Variants in TAF1 observed in about 807,000 individuals in gnomAD.
TAF1 encodes transcription initiation factor TFIID subunit 1.
A neutral mutation model predicts 138.5 loss-of-function variants in TAF1; 2 were observed. The ratio of observed to expected loss-of-function variants is 0.01; its 90% confidence interval spans 0.01 to 0.05. The LOEUF is 0.05. Ranked by LOEUF, TAF1 falls within the 10% of genes least tolerant of loss-of-function variation. TAF1 has a pLI of 1.00. For synonymous variants in TAF1, 437 were observed against 503.2 expected (o/e 0.87, Z 1.76); for missense variants, 709 against 1,478.0 (o/e 0.48, Z 8.53).
At chrX:71,459,108 G>T (rs1476333396) in intron 35 of TAF1, 2 of 982,563 alleles carry the variant, frequency 2.0e-6, no homozygotes, top group African/African-American at 3.9e-5. Context: ...TCCTCCTACA[G>T]GCACGTCCCT....
intron 1 of TAF1, among the ~76,000 whole-genome samples, chrX:71,366,752 C>G (rs2032531710): frequency 9.0e-6 from 1 of 111,175 alleles, no homozygotes; most frequent in Non-Finnish European, 1.9e-5. Flanking sequence ...AGCGCTCTGC[C>G]GACCAGACAG....
chrX:71,513,716 T>C (rs894589249), intron 13 of TAF1, among the ~76,000 whole-genome samples: 2 of 111,690 alleles, frequency 1.8e-5, no homozygotes, highest in African/African-American at 6.5e-5. Flanking sequence ...ACCCCATCTA[T>C]AAAAACTTCT....
intron 34 of TAF1, among the ~76,000 whole-genome samples, chrX:71,457,194 G>A (rs1464996309): frequency 1.8e-5 from 2 of 111,648 alleles, no homozygotes; most frequent in East Asian, 5.5e-4. Context: ...ACCCTCTTCT[G>A]AATCAGTTTT....
intron 13 of TAF1, among the ~76,000 whole-genome samples, chrX:71,472,962 A>G (rs938303845): frequency 1.8e-5 from 2 of 112,213 alleles, no homozygotes; most frequent in African/African-American, 6.5e-5. Flanking sequence ...CAGAAGTCCT[A>G]TGTAAACATA....
chrX:71,468,659 T>G (rs1394160501), downstream of TAF1, among the ~76,000 whole-genome samples: 1 of 96,281 alleles, frequency 1.0e-5, no homozygotes, highest in Non-Finnish European at 2.0e-5. Flanking sequence ...CACTCCAGCC[T>G]GGGCGACAAA....
At position 71,463,833 on chromosome X, in the gene TAF1, C is replaced by T. The variant is rs1161737297; in HGVS notation, c.5409C>T (p.Ser1803=). 1 of 1,209,763 alleles carries T rather than the reference C, an allele frequency of 8.3e-7. No homozygotes were observed. The highest frequency in any genetic ancestry group is 1.1e-6 in the Non-Finnish European group (1 of 894,955). The change falls in exon 38 of 38, where the codon AGC becomes AGT. Residue 1803 remains serine, a synonymous_variant. Coordinates refer to ENST00000423759, the MANE Select transcript of TAF1 (RefSeq NM_004606.5). ...GLEDSNISYG[S]YEEPDPKSNT... ...ATGTTTCTCTTCTCAGTTATGGGAGCTATGAGGAGCCTGATCCCAAGTCGA... is the reference window on the plus strand; with the variant it reads ...ATGTTTCTCTTCTCAGTTATGGGAGTTATGAGGAGCCTGATCCCAAGTCGA...
chrX:71,482,291 C>G (rs1188452731), intron 13 of TAF1, among the ~76,000 whole-genome samples: 1 of 112,426 alleles, frequency 8.9e-6, no homozygotes, highest in East Asian at 2.8e-4. Flanking sequence ...TTGTGAATCT[C>G]ACAAATGGAA....
At chrX:71,526,418 A>T (rs750595019) in intron 13 of TAF1, among the ~76,000 whole-genome samples, 1 of 112,337 alleles carries the variant, frequency 8.9e-6, no homozygotes, top group East Asian at 2.8e-4. Context: ...TAATAACAGA[A>T]AAAGCAACAA....
intron 13 of TAF1, among the ~76,000 whole-genome samples, chrX:71,476,096 A>T (rs1265531241): frequency 9.0e-6 from 1 of 111,114 alleles, no homozygotes; most frequent in Non-Finnish European, 1.9e-5. Context: ...AGCCAATTAA[A>T]CCTCTTTTCT....
At chrX:71,385,632 A>G (rs984340623) in intron 14 of TAF1, among the ~76,000 whole-genome samples, 1 of 111,255 alleles carries the variant, frequency 9.0e-6, no homozygotes, top group Non-Finnish European at 1.9e-5. Context: ...TCTCTTGGCA[A>G]TCTTAACCAT....
intron 32 of TAF1, among the ~76,000 whole-genome samples, chrX:71,436,288 T>C (rs2037139814): frequency 9.9e-6 from 1 of 101,085 alleles, no homozygotes; most frequent in Non-Finnish European, 2.0e-5. Flanking sequence ...CGATCTCGGC[T>C]CACTGCAAGC....
At chrX:71,530,511 C>T (rs1206011794), downstream of TAF1, 1 of 76,231 alleles carries the variant, frequency 1.3e-5, no homozygotes, top group African/African-American at 5.5e-5. Flanking sequence ...GAAAGAGACC[C>T]GAGTGGGTTG....
chrX:71,490,090 A>G (rs1293582504), intron 13 of TAF1, among the ~76,000 whole-genome samples: 3 of 111,516 alleles, frequency 2.7e-5, no homozygotes, highest in Non-Finnish European at 5.6e-5. Context: ...CCAAAAATAA[A>G]TAAATAAATA....
chrX:71,453,091 G>T (rs2038111313), intron 32 of TAF1, among the ~76,000 whole-genome samples: 1 of 110,506 alleles, frequency 9.0e-6, no homozygotes, highest in Non-Finnish European at 1.9e-5. Context: ...ACGGGAGAGA[G>T]AGAGGGAGAG....
Position 71,463,938 on chromosome X carries a change from G to C in TAF1, c.5514G>C (p.Gln1838His), listed in dbSNP as rs778293707. 1 of 1,206,956 alleles carries C rather than the reference G, an allele frequency of 8.3e-7. No individual in the cohort carries two copies. ...AAGAAGATGAGGAGGAGGAAGAGCA[G>C]CGCTCTGGGCCGAGCGTACTAAGCC... ...EEEEDEEEEEQRSGPSVLSQV... is the reference protein window; with the variant it reads ...EEEEDEEEEEHRSGPSVLSQV... The change falls in exon 38 of 38, where the codon CAG becomes CAC. Residue 1838 changes from glutamine (Q) to histidine (H), a missense_variant. Transcript: ENST00000423759.
chrX:71,407,645 C>T lies in TAF1; in HGVS notation c.4179C>T (p.Ile1393=), dbSNP rs753349813. Residue 1393 remains isoleucine (I), a synonymous_variant, in exon 27 of 38, where the codon ATC becomes ATT. Transcript: ENST00000423759. ...MVTLSSILES[I]INDMRDLPNT... ...CGCTGTCGTCCATCTTGGAGTCTATCATCAATGACATGAGAGATCTTCCAA... is the reference window on the plus strand; with the variant it reads ...CGCTGTCGTCCATCTTGGAGTCTATTATCAATGACATGAGAGATCTTCCAA... 3 of 1,210,850 alleles carry T rather than the reference C, an allele frequency of 2.5e-6. No individual in the cohort carries two copies. The highest frequency in any genetic ancestry group is 4.4e-5 in the Admixed American group (2 of 45,945).
At chrX:71,519,146 T>A (rs1296662579) in intron 13 of TAF1, among the ~76,000 whole-genome samples, 1 of 106,556 alleles carries the variant, frequency 9.4e-6, no homozygotes, top group Non-Finnish European at 1.9e-5. Context: ...CACGGTGAAA[T>A]CCCGTCTCTA....
chrX:71,459,105 A>C, intron 35 of TAF1: 1 of 981,512 alleles, frequency 1.0e-6, no homozygotes, highest in Non-Finnish European at 1.4e-6. Context: ...AACTCCTCCT[A>C]CAGGCACGTC....
downstream of TAF1, chrX:71,466,603 C>T (rs898921314): frequency 1.4e-4 from 16 of 112,205 alleles, no homozygotes; most frequent in African/African-American, 5.2e-4. Flanking sequence ...GTTTCAAACT[C>T]CTGACCTCAG....
Sources: allele counts gnomAD v4.1 joint callset (sites outside exome capture counted in the v4.1 genomes callset), GRCh38; gene constraint gnomAD v4.1.1; transcripts MANE v1.5; gene names NCBI Gene and HGNC (gene_info 2026-07-23, HGNC 2026-07-21).